Variants in GLIS1 observed in about 807,000 individuals in gnomAD.
The protein encoded by GLIS1 is GLIS family zinc finger 1.
Under a neutral mutation model 63.8 loss-of-function variants are expected in GLIS1, and 24 were observed. The ratio of observed to expected loss-of-function variants is 0.38; its 90% CI spans 0.27 to 0.53. The LOEUF is 0.53. GLIS1 is among the 20% of genes least tolerant of loss of function. The pLI is 0.85. For synonymous variants in GLIS1, 450 were observed against 482.5 expected, an observed-to-expected ratio of 0.93 and a Z score of 0.88; for missense variants, 1,036 against 1,074.1, an observed-to-expected ratio of 0.96 and a Z score of 0.50.
chr1:53,580,482 A>G (rs1645074145), intron 4 of GLIS1, among the ~76,000 whole-genome samples: 2 of 152,086 alleles, frequency 1.3e-5, no homozygotes, highest in African/African-American at 4.8e-5. Context: ...CCCAAATTAC[A>G]CGTGACTGCT....
intron 2 of GLIS1, among the ~76,000 whole-genome samples, chr1:53,654,647 T>G (rs1284750919): frequency 6.6e-6 from 1 of 152,034 alleles, no homozygotes; most frequent in African/African-American, 2.4e-5. Context: ...GAGCGCAGTG[T>G]CTGGAGAACA....
intron 4 of GLIS1, among the ~76,000 whole-genome samples, chr1:53,582,728 G>A (rs1645098311): frequency 6.6e-6 from 1 of 152,262 alleles, no homozygotes; most frequent in South Asian, 2.1e-4. Context: ...CTGGGAGTGA[G>A]GGATGCTGAG....
chr1:53,660,418 C>T (rs777271911), intron 2 of GLIS1, among the ~76,000 whole-genome samples: 4 of 152,214 alleles, frequency 2.6e-5, no homozygotes, highest in South Asian at 2.1e-4. Flanking sequence ...ATGAGGACAG[C>T]GTGCCCCATT....
At chr1:53,557,112 G>A (rs1310791483) in intron 4 of GLIS1, among the ~76,000 whole-genome samples, 1 of 151,954 alleles carries the variant, frequency 6.6e-6, no homozygotes, top group African/African-American at 2.4e-5. Context: ...TGTGTGCATG[G>A]GACATAAGCA....
chr1:53,693,865 A>G (rs1174784419), intron 2 of GLIS1, among the ~76,000 whole-genome samples: 1 of 152,224 alleles, frequency 6.6e-6, no homozygotes, highest in East Asian at 1.9e-4. Flanking sequence ...TGTGCCGCTC[A>G]AAGTGACCTT....
intron 7 of GLIS1, among the ~76,000 whole-genome samples, chr1:53,515,268 G>A (rs568464784): frequency 2.6e-5 from 4 of 152,146 alleles, no homozygotes; most frequent in African/African-American, 4.8e-5. Flanking sequence ...CCCAGGGCTC[G>A]GCAGTGCCTT....
chr1:53,585,576 G>A (rs1386531400), intron 4 of GLIS1, among the ~76,000 whole-genome samples: 12 of 151,290 alleles, frequency 7.9e-5, no homozygotes, highest in Admixed American at 2.6e-4. Flanking sequence ...GGAGGTGGAA[G>A]TGAGGTGGGG....
At chr1:53,681,330 T>C (rs1646272718) in intron 2 of GLIS1, among the ~76,000 whole-genome samples, 1 of 152,254 alleles carries the variant, frequency 6.6e-6, no homozygotes, top group South Asian at 2.1e-4. Flanking sequence ...CCAGCCACAG[T>C]TGTCCAACAA....
intron 2 of GLIS1, among the ~76,000 whole-genome samples, chr1:53,610,687 G>C (rs1212878248): frequency 6.6e-6 from 1 of 152,114 alleles, no homozygotes; most frequent in East Asian, 1.9e-4. Context: ...AGGTTCACAG[G>C]AATTCTTAAA....
intron 2 of GLIS1, among the ~76,000 whole-genome samples, chr1:53,626,171 C>T (rs1645592059): frequency 6.6e-6 from 1 of 152,226 alleles, no homozygotes; most frequent in Non-Finnish European, 1.5e-5. Flanking sequence ...GCCCACACCT[C>T]TCTTTGGCAT....
intron 2 of GLIS1, among the ~76,000 whole-genome samples, chr1:53,729,075 C>T (rs985206302): frequency 2.0e-5 from 3 of 152,202 alleles, no homozygotes; most frequent in Non-Finnish European, 4.4e-5. Flanking sequence ...GTATATTCTG[C>T]TTCAAGAGAT....
At chr1:53,570,283 T>A (rs1026283518) in intron 4 of GLIS1, among the ~76,000 whole-genome samples, 24 of 146,318 alleles carry the variant, frequency 1.6e-4, no homozygotes, top group South Asian at 2.2e-4. Flanking sequence ...TTGGCTAATT[T>A]AAAAAAAAAA....
Position 53,560,695 on chromosome 1 carries a change from C to A in GLIS1, c.1321-30743G>T, listed in dbSNP as rs578144215. ...CGTGTGTCCCGCAATGTTCTAGGCA[C>A]TGGGGCAGCCATGCTCACAGTAGGT... On this transcript the variant is annotated intron_variant, in intron 4 of 10. Coordinates refer to ENST00000628545, the MANE Select transcript of GLIS1 (RefSeq NM_001367484.1). The surrounding 1 kb of genome is among the most constrained non-coding windows in gnomAD (Gnocchi z 4.4). Among the ~76,000 whole-genome samples the A allele has an allele frequency of 6.6e-6, 1 of 152,310 alleles. No homozygotes were observed. The highest frequency in any genetic ancestry group is 6.5e-5 in the Admixed American group (1 of 15,308).
At chr1:53,545,144 T>C (rs1644685064) in intron 4 of GLIS1, among the ~76,000 whole-genome samples, 1 of 152,182 alleles carries the variant, frequency 6.6e-6, no homozygotes. Context: ...AACCACCTAA[T>C]ACCCTAATTT....
At position 53,541,260 on chromosome 1, in the gene GLIS1, T is replaced by C. The variant is rs143334475; in HGVS notation, c.1321-11308A>G. On this transcript the variant is annotated intron_variant, in intron 4 of 10. Transcript: ENST00000628545. The stretch of plus-strand genomic sequence containing the variant: ...ATCAGGGCTGCTCAGAGGGTGCAAA[T>C]AGTTCCTAAGGTTACCTTCAGGAGA... 2.0e-3 allele frequency among the ~76,000 whole-genome samples: 311 copies of C among 152,302 alleles called. 1 individual carries two copies. The highest frequency in any genetic ancestry group is 7.3e-3 in the African/African-American group (303 of 41,572).
intron 3 of GLIS1, among the ~76,000 whole-genome samples, chr1:53,597,817 G>A (rs2100543031): frequency 6.6e-6 from 1 of 152,124 alleles, no homozygotes; most frequent in South Asian, 2.1e-4. Flanking sequence ...ACTGATGCCG[G>A]CGTAGAATTC....
chr1:53,529,383 C>G (rs922482648), intron 5 of GLIS1, among the ~76,000 whole-genome samples: 2 of 152,188 alleles, frequency 1.3e-5, no homozygotes, highest in Admixed American at 6.5e-5. Flanking sequence ...GCAATCTGCT[C>G]TGGCGTGGCT....
intron 5 of GLIS1, among the ~76,000 whole-genome samples, chr1:53,527,794 G>C (rs940077037): frequency 8.5e-5 from 13 of 152,218 alleles, no homozygotes; most frequent in Non-Finnish European, 7.3e-5. Context: ...GGGGTGCTGG[G>C]CTTGGCGGCT....
In GLIS1 at chr1:53,574,590, G is replaced by A; in HGVS notation, c.1320+19518C>T. ...TTCCCCCGGTCACACAGCACAGCAA[G>A]CCCTGGGGACTAGTTTTGGGGAAGA... On this transcript the variant is annotated intron_variant, in intron 4 of 10. Transcript: ENST00000628545. This position sits in a 1 kb window ranked among gnomAD's most constrained non-coding sequence, Gnocchi z 4.2. Among the ~76,000 whole-genome samples, 1 of 152,216 alleles carries A rather than the reference G, an allele frequency of 6.6e-6. No individual in the cohort carries two copies. The highest frequency in any genetic ancestry group is 1.9e-4 in the East Asian group (1 of 5,200).
Sources: allele counts gnomAD v4.1 joint callset (sites outside exome capture counted in the v4.1 genomes callset), GRCh38; gene constraint gnomAD v4.1.1; non-coding constraint Gnocchi (gnomAD v3.1); transcripts MANE v1.5; gene names NCBI Gene and HGNC (gene_info 2026-07-23, HGNC 2026-07-21).